Variants in CSMD1 observed in about 807,000 individuals in gnomAD.
CSMD1 encodes CUB and sushi domain-containing protein 1.
In CSMD1, 213 loss-of-function variants were observed where a neutral mutation model predicts 417.5. The observed-to-expected ratio is 0.51, with a 90% CI of 0.46 to 0.57. The LOEUF (loss-of-function observed/expected upper bound fraction) is 0.57, where lower values mean the gene tolerates loss of function less well. Ranked by LOEUF, CSMD1 falls within the 20% of genes least tolerant of loss-of-function variation. The pLI, the probability that CSMD1 is intolerant of heterozygous loss-of-function variation, is 0.00. For synonymous variants in CSMD1, 2,862 were observed against 1,736.8 expected (o/e 1.65, Z -16.11); for missense variants, 6,923 against 4,529.7 (o/e 1.53, Z -15.17).
At chr8:4,417,233 T>A (rs2128937994) in intron 3 of CSMD1, among the ~76,000 whole-genome samples, 1 of 152,186 alleles carries the variant, frequency 6.6e-6, no homozygotes, top group South Asian at 2.1e-4. Flanking sequence ...AGAGTTAAAT[T>A]CAATGACTGA....
At chr8:3,237,006 C>T (rs1375148162) in intron 26 of CSMD1, among the ~76,000 whole-genome samples, 2 of 152,028 alleles carry the variant, frequency 1.3e-5, no homozygotes, top group Non-Finnish European at 2.9e-5. Flanking sequence ...AGAGCCATGC[C>T]AGTCAGCTTG....
intron 33 of CSMD1, among the ~76,000 whole-genome samples, chr8:3,191,410 C>A (rs1268804435): frequency 6.6e-6 from 1 of 152,062 alleles, no homozygotes; most frequent in Non-Finnish European, 1.5e-5. Context: ...GAGCCAAGAT[C>A]ACACCACTGC....
At chr8:3,353,377 C>T (rs574034035) in intron 21 of CSMD1, among the ~76,000 whole-genome samples, 1 of 152,284 alleles carries the variant, frequency 6.6e-6, no homozygotes, top group East Asian at 1.9e-4. Flanking sequence ...CTAACACTAC[C>T]CCTACCTTTC....
intron 5 of CSMD1, among the ~76,000 whole-genome samples, chr8:3,938,891 A>C (rs185766354): frequency 2.0e-5 from 3 of 152,172 alleles, no homozygotes; most frequent in East Asian, 1.9e-4. Context: ...TGACAACTGT[A>C]TATCTATATG....
chr8:4,883,083 A>G (rs911387074), intron 1 of CSMD1, among the ~76,000 whole-genome samples: 3 of 152,206 alleles, frequency 2.0e-5, no homozygotes, highest in Admixed American at 6.5e-5. Flanking sequence ...AGCAGAGAAA[A>G]TCTGGAGTCC....
intron 5 of CSMD1, among the ~76,000 whole-genome samples, chr8:3,766,939 G>C (rs908958796): frequency 1.3e-5 from 2 of 152,074 alleles, no homozygotes; most frequent in African/African-American, 4.8e-5. Flanking sequence ...CGAGTCCGAC[G>C]GCAACAGATG....
chr8:2,955,104 A>G (rs748053166), intron 64 of CSMD1, among the ~76,000 whole-genome samples: 3 of 152,252 alleles, frequency 2.0e-5, no homozygotes, highest in Non-Finnish European at 4.4e-5. Flanking sequence ...TTGTAATTTT[A>G]AAAAGCAGAA....
chr8:3,336,158 G>A (rs917407206), intron 23 of CSMD1, among the ~76,000 whole-genome samples: 3 of 133,650 alleles, frequency 2.2e-5, no homozygotes, highest in Non-Finnish European at 5.0e-5. Flanking sequence ...ACCTAAGGCA[G>A]TAGAAAAATA....
intron 1 of CSMD1, among the ~76,000 whole-genome samples, chr8:4,980,043 T>A (rs116049458): frequency 1.0e-3 from 155 of 152,074 alleles, no homozygotes; most frequent in African/African-American, 3.5e-3. Context: ...TCCCAAAAAA[T>A]AAATAAATAA....
intron 23 of CSMD1, among the ~76,000 whole-genome samples, chr8:3,316,668 G>T (rs184339553): frequency 6.6e-6 from 1 of 152,134 alleles, no homozygotes; most frequent in African/African-American, 2.4e-5. Flanking sequence ...ATATGCTGAT[G>T]CTTCCTTTTA....
intron 62 of CSMD1, 23 bp downstream of exon 62, chr8:2,961,118 A>G (rs1238570621): frequency 1.4e-6 from 2 of 1,452,838 alleles, no homozygotes; most frequent in African/African-American, 1.4e-5. Flanking sequence ...GAAAGAAAAC[A>G]TAGTAAATTC....
intron 49 of CSMD1, among the ~76,000 whole-genome samples, chr8:3,084,400 G>C (rs779585156): frequency 6.6e-6 from 1 of 151,732 alleles, no homozygotes; most frequent in Admixed American, 6.6e-5. Context: ...GTGGGTGCCT[G>C]TAATCCCAGT....
intron 23 of CSMD1, among the ~76,000 whole-genome samples, chr8:3,318,200 T>G (rs565075781): frequency 6.6e-6 from 1 of 152,360 alleles, no homozygotes; most frequent in South Asian, 2.1e-4. Context: ...TTTTTATTTA[T>G]GAAATATCTT....
chr8:4,929,871 T>C (rs996196097), intron 1 of CSMD1, among the ~76,000 whole-genome samples: 1 of 152,162 alleles, frequency 6.6e-6, no homozygotes, highest in East Asian at 1.9e-4. Flanking sequence ...ACAAAGGCAC[T>C]TGGCACCACA....
chr8:3,168,151 G>A (rs1339053968), intron 37 of CSMD1, among the ~76,000 whole-genome samples: 1 of 152,020 alleles, frequency 6.6e-6, no homozygotes, highest in Non-Finnish European at 1.5e-5. Context: ...GAGATTAATA[G>A]AGGAGTAGCA....
intron 6 of CSMD1, among the ~76,000 whole-genome samples, chr8:3,708,706 C>G (rs190289415): frequency 8.0e-4 from 122 of 152,288 alleles, no homozygotes; most frequent in Admixed American, 4.3e-3. Flanking sequence ...CTTACAGCAT[C>G]AGTGTCGGAA....
At chr8:4,914,302 T>G (rs545483400) in intron 1 of CSMD1, among the ~76,000 whole-genome samples, 2 of 151,918 alleles carry the variant, frequency 1.3e-5, no homozygotes, top group Admixed American at 6.6e-5. Context: ...TAGGGCCGGG[T>G]GCGGTGGCTC....
intron 5 of CSMD1, among the ~76,000 whole-genome samples, chr8:3,806,847 G>C (rs1195776741): frequency 2.0e-5 from 3 of 152,140 alleles, no homozygotes; most frequent in South Asian, 4.1e-4. Context: ...CTAGCTAGCA[G>C]ACACAATGTA....
At chr8:3,693,724 T>C (rs568488070) in intron 7 of CSMD1, among the ~76,000 whole-genome samples, 1 of 152,220 alleles carries the variant, frequency 6.6e-6, no homozygotes, top group African/African-American at 2.4e-5. Flanking sequence ...ATGTGTTGTG[T>C]GTGTTATGCT....
Sources: allele counts gnomAD v4.1 joint callset (sites outside exome capture counted in the v4.1 genomes callset), GRCh38; gene constraint gnomAD v4.1.1; transcripts MANE v1.5; gene names NCBI Gene and HGNC (gene_info 2026-07-23, HGNC 2026-07-21).